Variants in POGK observed in about 807,000 individuals in gnomAD.
POGK encodes pogo transposable element with KRAB domain.
In POGK, 16 loss-of-function variants were observed where a neutral mutation model predicts 54.4. That is an observed-to-expected ratio of 0.29 (90% CI 0.20 to 0.45). The LOEUF (loss-of-function observed/expected upper bound fraction) is 0.45, where lower values mean the gene tolerates loss of function less well. POGK is among the 20% of genes least tolerant of loss of function. The probability of loss-of-function intolerance (pLI) is 1.00; values close to 1 mark genes in which losing one functional copy is unlikely to be tolerated. For missense variants in POGK, 515 were observed against 795.6 expected (o/e 0.65, Z 4.24); for synonymous variants, 271 against 302.2 (o/e 0.90, Z 1.07).
rs1323351832 is a variant in POGK, at chr1:166,839,595, G to A, written c.-12G>A. 1.4e-5 allele frequency: 2 copies of A among 147,646 alleles called. No individual in the cohort carries two copies. Among genetic ancestry groups the A allele is most frequent in the African/African-American group, 4.9e-5 (2 of 40,674 alleles). The allele number at this position is 147,646 out of a possible 1,614,324, so 9.1% of individuals were successfully genotyped here. A position where few individuals can be genotyped will look rare whatever the true frequency, so the allele number is the denominator to read the frequency against. On this transcript the variant is annotated 5_prime_UTR_variant, in exon 1 of 6. Coordinates refer to ENST00000367876, the MANE Select transcript of POGK (RefSeq NM_017542.5). ...GTCCCCACCCCGCGCCCTGGCCGCTGGGCCCGGCGGTGAGTGCGCGCGGGC... is the reference window on the plus strand; with the variant it reads ...GTCCCCACCCCGCGCCCTGGCCGCTAGGCCCGGCGGTGAGTGCGCGCGGGC...
chr1:166,851,465 A>C (rs1013608211), intron 5 of POGK: 3 of 152,248 alleles, frequency 2.0e-5, no homozygotes, highest in Non-Finnish European at 4.4e-5. Flanking sequence ...CAAAAAAAGA[A>C]AATAAAACGG....
In POGK at chr1:166,855,957, A is replaced by C. The variant is rs1658259594; in HGVS notation, c.*3387A>C. 6.6e-6 allele frequency: 1 copy of C among 152,216 alleles called. No homozygotes were observed. The highest frequency in any genetic ancestry group is 1.5e-5 in the Non-Finnish European group (1 of 68,034). The allele number at this position is 152,216 out of a possible 1,614,324, so 9.4% of individuals were successfully genotyped here. On this transcript the variant is annotated 3_prime_UTR_variant, in exon 6 of 6. Transcript: ENST00000367876. ...AAATTCTTACGTAGTTTCTCACCTA[A>C]AACTAATGGCTTGTGCCAAGAACTG...
In POGK at chr1:166,849,582, C is replaced by A. The variant is rs750103246; in HGVS notation, c.1003C>A (p.Leu335Met). Residue 335 changes from leucine (L) to methionine (M), a missense_variant, in exon 5 of 6, where the codon CTG (leucine) becomes ATG (methionine). Coordinates refer to ENST00000367876, the MANE Select transcript of POGK (RefSeq NM_017542.5). ...CGTGCCCCAGCACCTGCCGGAAGAC[C>A]TGACTGAGAAACTCGTCACTTACCA... ...VPVPQHLPED[L>M]TEKLVTYQRS... 1.9e-6 allele frequency: 3 copies of A among 1,614,160 alleles called. No individual in the cohort carries two copies. The highest frequency in any genetic ancestry group is 2.2e-5 in the East Asian group (1 of 44,902).
Position 166,848,955 on chromosome 1 carries a change from G to A in POGK, c.376G>A (p.Val126Ile), listed in dbSNP as rs77068976. ...TCTCCCAGAAAATGAAGAATCTGAC[G>A]TAAAGCCTCCAGACTGGCCAAACCC... ...GTSAENEESD[V>I]KPPDWPNPMN... Residue 126 changes from valine to isoleucine, a missense_variant, in exon 5 of 6, where the codon GTA (valine) becomes ATA (isoleucine). Transcript: ENST00000367876. 1,012 of 1,598,364 alleles carry A rather than the reference G, an allele frequency of 6.3e-4. 8 individuals carry two copies. The African/African-American group carries it at 0.011, about 18-fold the overall frequency.
chr1:166,840,033 C>T (rs1571217144), intron 1 of POGK: 4 of 152,302 alleles, frequency 2.6e-5, no homozygotes, highest in African/African-American at 7.2e-5. Flanking sequence ...GTTCGGGCCC[C>T]AGCTGCAGGC....
intron 5 of POGK, 167 bp downstream of exon 5, chr1:166,850,590 C>A: frequency 1.4e-6 from 1 of 704,450 alleles, no homozygotes; most frequent in Non-Finnish European, 2.2e-6. Context: ...TGGTCCATGG[C>A]CTGTCAGGAA....
chr1:166,847,376 TCCCC>T, intron 3 of POGK, 114 bp from the exon 4 acceptor site: 2 of 734,258 alleles, frequency 2.7e-6, no homozygotes, highest in South Asian at 2.1e-5. Flanking sequence ...TGAGCCTTTT[TCCCC>T]TTGTTTTTCA....
rs1658255581 is a variant in POGK, at chr1:166,855,841, T to C, written c.*3271T>C. On this transcript the variant is annotated 3_prime_UTR_variant, in exon 6 of 6. Coordinates refer to ENST00000367876, the MANE Select transcript of POGK (RefSeq NM_017542.5). The stretch of plus-strand genomic sequence containing the variant: ...ATGGAACTATGAAATTTCACACATA[T>C]TCCCTAGGCAGCATTAAGGCCCAGG... 6.6e-6 allele frequency: 1 copy of C among 152,038 alleles called. No individual in the cohort carries two copies. The highest frequency in any genetic ancestry group is 6.6e-5 in the Admixed American group (1 of 15,266). The allele number at this position is 152,038 out of a possible 1,614,324, so 9.4% of individuals were successfully genotyped here.
chr1:166,853,173 A>G lies in POGK; in HGVS notation c.*603A>G, dbSNP rs992143517. 1 of 152,658 alleles carries G rather than the reference A, an allele frequency of 6.6e-6. No homozygotes were observed. The highest frequency in any genetic ancestry group is 2.4e-5 in the African/African-American group (1 of 41,456). 9.5% of individuals were successfully genotyped at this position (152,658 alleles called of 1,614,324 possible). ...TAGAATAACAAGAAAATTAAGACAT[A>G]CTGGCCTGGTGCCAGCAGATGGCTT... is the stretch of plus-strand genomic sequence containing the variant. On this transcript the variant is annotated 3_prime_UTR_variant, in exon 6 of 6. Coordinates refer to ENST00000367876, the MANE Select transcript of POGK (RefSeq NM_017542.5).
chr1:166,846,639 A>G lies in POGK; in HGVS notation c.160A>G (p.Ile54Val), dbSNP rs1166615310. ...WVPALFDEVA[I>V]YFSDEEWEVL... The stretch of plus-strand genomic sequence containing the variant: ...ACCGGCCCTATTTGATGAGGTGGCC[A>G]TATATTTTTCCGATGAGGAATGGGA... The change falls in exon 3 of 6, where the codon ATA becomes GTA. Residue 54 changes from isoleucine (I) to valine (V), a missense_variant. Coordinates refer to ENST00000367876, the MANE Select transcript of POGK (RefSeq NM_017542.5). 6.2e-7 allele frequency: 1 copy of G among 1,614,000 alleles called. No homozygotes were observed. The highest frequency in any genetic ancestry group is 8.5e-7 in the Non-Finnish European group (1 of 1,180,022).
intron 5 of POGK, chr1:166,851,609 C>CT (rs2101770904): frequency 6.6e-6 from 1 of 152,260 alleles, no homozygotes; most frequent in East Asian, 1.9e-4. Flanking sequence ...GAAATGACCC[C>CT]ACCCACCTAC....
chr1:166,847,436 T>C, intron 3 of POGK, 58 bp from the exon 4 acceptor site: 1 of 1,332,270 alleles, frequency 7.5e-7, no homozygotes. Context: ...GTACTTATTT[T>C]GGTAGTGCTC....
At chr1:166,844,326 G>A (rs530743608) in intron 2 of POGK, among the ~76,000 whole-genome samples, 1 of 152,240 alleles carries the variant, frequency 6.6e-6, no homozygotes, top group Admixed American at 6.5e-5. Flanking sequence ...CAAAGGGAAA[G>A]GGACTATAAA....
intron 4 of POGK, 57 bp from the exon 5 acceptor site, chr1:166,848,881 G>A: frequency 6.6e-7 from 1 of 1,520,874 alleles, no homozygotes; most frequent in Non-Finnish European, 8.8e-7. Context: ...CAAAAATCAG[G>A]GTATAAGCCA....
chr1:166,846,948 C>A (rs1336108373), intron 3 of POGK, among the ~76,000 whole-genome samples: 1 of 152,162 alleles, frequency 6.6e-6, no homozygotes, highest in Non-Finnish European at 1.5e-5. Context: ...TCAGAACTGC[C>A]CCCATTCAAC....
In POGK at chr1:166,846,617, G is replaced by A. The variant is rs747448751; in HGVS notation, c.138G>A (p.Pro46=). ...VRICSEGGWV[P]ALFDEVAIYF... ...AGGGCTGTTCACTCTTCCAGGTACC[G>A]GCCCTATTTGATGAGGTGGCCATAT... The change falls in exon 3 of 6, where the codon CCG becomes CCA. Residue 46 remains proline, a synonymous_variant. Transcript: ENST00000367876. The A allele has an allele frequency of 9.3e-6, 15 of 1,614,080 alleles. 1 individual carries two copies. Among genetic ancestry groups the A allele is most frequent in the South Asian group, 6.6e-5 (6 of 91,076 alleles).
chr1:166,846,550 G>C (rs962718573), intron 2 of POGK, 62 bp from the exon 3 acceptor site: 4 of 1,604,022 alleles, frequency 2.5e-6, no homozygotes, highest in South Asian at 1.1e-5. Flanking sequence ...GGTCCTGTCC[G>C]CTCTGAAAGT....
Position 166,852,711 on chromosome 1 carries a change from C to G in POGK, c.*141C>G, listed in dbSNP as rs1658122199. ...CCACGGGGCTCTGAACAGCCCCGGT[C>G]CAGACAGCAGCCTGTACATCCATCC... On this transcript the variant is annotated 3_prime_UTR_variant, in exon 6 of 6. Transcript: ENST00000367876. The G allele has an allele frequency of 6.6e-6, 1 of 152,268 alleles. No individual in the cohort carries two copies. The highest frequency in any genetic ancestry group is 6.5e-5 in the Admixed American group (1 of 15,284). The allele number at this position is 152,268 out of a possible 1,614,324, so 9.4% of individuals were successfully genotyped here. A position where few individuals can be genotyped will look rare whatever the true frequency, so the allele number is the denominator to read the frequency against.
chr1:166,853,622 G>A lies in POGK; in HGVS notation c.*1052G>A, dbSNP rs535988245. ...ATTCCCACATAAGTTTGAGTGTTAC[G>A]AAAACATTCCTTTAAAGGGATCTGT... is the stretch of plus-strand genomic sequence containing the variant. On this transcript the variant is annotated 3_prime_UTR_variant, in exon 6 of 6. Coordinates refer to ENST00000367876, the MANE Select transcript of POGK (RefSeq NM_017542.5). 2.6e-5 allele frequency: 4 copies of A among 152,610 alleles called. No homozygotes were observed. The highest frequency in any genetic ancestry group is 5.9e-5 in the Non-Finnish European group (4 of 68,032). The allele number at this position is 152,610 out of a possible 1,614,324, so 9.5% of individuals were successfully genotyped here.
Sources: gnomAD v4.1 joint callset for allele counts (sites outside exome capture counted in the v4.1 genomes callset) on GRCh38, gnomAD v4.1.1 for gene constraint, MANE v1.5 for transcripts, NCBI Gene and HGNC (gene_info 2026-07-23, HGNC 2026-07-21) for gene names.